BNIP2: variants seen among roughly 807,000 people sequenced by gnomAD.
BNIP2 encodes BCL2/adenovirus E1B 19 kDa protein-interacting protein 2.
In BNIP2, 36 loss-of-function variants were observed where a neutral mutation model predicts 43.4. The ratio of observed to expected loss-of-function variants is 0.83; its 90% CI spans 0.64 to 1.10. The LOEUF (loss-of-function observed/expected upper bound fraction) is 1.10, where lower values mean the gene tolerates loss of function less well. Ranked by LOEUF, BNIP2 falls within the 50% of genes least tolerant of loss-of-function variation. The probability of loss-of-function intolerance (pLI) is 0.00; values close to 1 mark genes in which losing one functional copy is unlikely to be tolerated. For synonymous variants in BNIP2, 146 were observed against 121.0 expected (o/e 1.21, Z -1.35); for missense variants, 417 against 374.1 (o/e 1.11, Z -0.95).
chr15:59,670,511 T>C lies in BNIP2; in HGVS notation c.707+672A>G, dbSNP rs138773181. ...ACTCAATGTAATGAAATAGGAAACA[T>C]ACTACATTCTCCATCCTTTGCCAAG... On this transcript the variant is annotated intron_variant, in intron 7 of 9. Coordinates refer to ENST00000607373, the MANE Select transcript of BNIP2 (RefSeq NM_004330.4). Among the ~76,000 whole-genome samples, 353 of 152,216 alleles carry C rather than the reference T, an allele frequency of 2.3e-3. 2 individuals carry two copies. Among genetic ancestry groups the C allele is most frequent in the African/African-American group, 8.0e-3 (334 of 41,530 alleles).
In BNIP2 at chr15:59,660,421, AAAGG is replaced by A. The variant is rs1186687367; in HGVS notation, c.*3644_*3647del. On this transcript the variant is annotated 3_prime_UTR_variant, in exon 10 of 10. Transcript: ENST00000607373. Reference sequence around the variant, plus strand: ...ACACTTCTCCACATATAACATGGAAAAAGGAAGGATGAACCTACCGTAACATCTC... The same window carrying A: ...ACACTTCTCCACATATAACATGGAAAAAGGATGAACCTACCGTAACATCTC... 1 of 152,242 alleles carries A rather than the reference AAAGG, an allele frequency of 6.6e-6. No individual in the cohort carries two copies. Among genetic ancestry groups the A allele is most frequent in the Non-Finnish European group, 1.5e-5 (1 of 68,044 alleles). The allele number at this position is 152,242 out of a possible 1,614,324, so 9.4% of individuals were successfully genotyped here.
intron 1 of BNIP2, chr15:59,688,414 C>T (rs754448434): frequency 2.2e-4 from 54 of 240,974 alleles, no homozygotes; most frequent in Non-Finnish European, 3.5e-4. Flanking sequence ...AAAAGCAACA[C>T]TAAAATGCAA....
chr15:59,669,205 GTTA>G, intron 8 of BNIP2, 68 bp downstream of exon 8: 3 of 1,155,244 alleles, frequency 2.6e-6, no homozygotes, highest in African/African-American at 1.6e-5. Flanking sequence ...AGTATGTATA[GTTA>G]TTATGTGTTA....
chr15:59,680,173 A>C (rs6151510), intron 3 of BNIP2, 68 bp downstream of exon 3: 652,591 of 1,107,586 alleles, frequency 0.59, 204,275 homozygotes, highest in Middle Eastern at 0.64. Flanking sequence ...TTTTTTGGAC[A>C]AAGAAACGTG....
In BNIP2 at chr15:59,661,555, T is replaced by C. The variant is rs1892275675; in HGVS notation, c.*2514A>G. The C allele has an allele frequency of 6.6e-6, 1 of 152,106 alleles. No homozygotes were observed. Among genetic ancestry groups the C allele is most frequent in the Non-Finnish European group, 1.5e-5 (1 of 68,028 alleles). 9.4% of individuals were successfully genotyped at this position (152,106 alleles called of 1,614,324 possible). On this transcript the variant is annotated 3_prime_UTR_variant, in exon 10 of 10. Transcript: ENST00000607373. Reference sequence around the variant, plus strand: ...TGAATAGAACGTCTTCCCTTGGTGCTTGCTTAGGAGTATGATCAAGCAGAA... The same window carrying C: ...TGAATAGAACGTCTTCCCTTGGTGCCTGCTTAGGAGTATGATCAAGCAGAA...
In BNIP2 at chr15:59,668,570, G is replaced by C. The variant is rs116351675; in HGVS notation, c.893+322C>G. On this transcript the variant is annotated intron_variant, in intron 9 of 9. Coordinates refer to ENST00000607373, the MANE Select transcript of BNIP2 (RefSeq NM_004330.4). ...CAAATTTGTTGAGCACTATGTTCAAGTTTGGAGAATGCTCTTTAGTACTGA... is the reference window on the plus strand; with the variant it reads ...CAAATTTGTTGAGCACTATGTTCAACTTTGGAGAATGCTCTTTAGTACTGA... 3.0e-3 allele frequency among the ~76,000 whole-genome samples: 454 copies of C among 152,330 alleles called. 2 individuals carry two copies. The highest frequency in any genetic ancestry group is 0.01 in the African/African-American group (430 of 41,576).
chr15:59,659,207 C>A lies in BNIP2; in HGVS notation c.*4862G>T, dbSNP rs1328110915. On this transcript the variant is annotated 3_prime_UTR_variant, in exon 10 of 10. Coordinates refer to ENST00000607373, the MANE Select transcript of BNIP2 (RefSeq NM_004330.4). ...GCAAAAAATATGATGTGCAACAAAT[C>A]AAGACACAAGTTATATTCCTAACAG... 1 of 152,132 alleles carries A rather than the reference C, an allele frequency of 6.6e-6. No homozygotes were observed. Among genetic ancestry groups the A allele is most frequent in the Non-Finnish European group, 1.5e-5 (1 of 68,030 alleles). 9.4% of individuals were successfully genotyped at this position (152,132 alleles called of 1,614,324 possible).
intron 3 of BNIP2, 126 bp from the exon 4 acceptor site, chr15:59,679,894 C>A (rs184072539): frequency 1.1e-6 from 1 of 873,888 alleles, no homozygotes. Flanking sequence ...AATTTCAAAG[C>A]ACCTATTCAC....
At chr15:59,688,726 G>A in intron 1 of BNIP2, 1 of 1,535,652 alleles carries the variant, frequency 6.5e-7, no homozygotes, top group Non-Finnish European at 8.7e-7. Flanking sequence ...CGGTTACGAG[G>A]CATACCAGAA....
intron 8 of BNIP2, 120 bp from the exon 9 acceptor site, chr15:59,669,110 GTC>G: frequency 9.0e-7 from 1 of 1,109,302 alleles, no homozygotes; most frequent in Non-Finnish European, 1.3e-6. Context: ...GATGATAAAT[GTC>G]TGAGGTGATG....
In BNIP2 at chr15:59,671,316, T is replaced by G. The variant is rs758939010; in HGVS notation, c.576-2A>C. The G allele has an allele frequency of 6.3e-7, 1 of 1,581,232 alleles. No homozygotes were observed. Among genetic ancestry groups the G allele is most frequent in the African/African-American group, 1.3e-5 (1 of 74,422 alleles). ...AGCTCCAAAGTGCCAATAACATATC[T>G]GTAAAAAACAAATTAAGTTTAAGCC... On this transcript the variant is annotated splice_acceptor_variant, in intron 6 of 9. Coordinates refer to ENST00000607373, the MANE Select transcript of BNIP2 (RefSeq NM_004330.4). LOFTEE classifies it high-confidence loss of function.
chr15:59,684,021 C>A (rs1456215728), intron 1 of BNIP2, among the ~76,000 whole-genome samples: 1 of 152,170 alleles, frequency 6.6e-6, no homozygotes, highest in Non-Finnish European at 1.5e-5. Context: ...GCTACGTCAA[C>A]ATTCAAAAGA....
chr15:59,667,465 T>C (rs887458559), intron 9 of BNIP2, among the ~76,000 whole-genome samples: 2 of 152,230 alleles, frequency 1.3e-5, no homozygotes, highest in Non-Finnish European at 2.9e-5. Flanking sequence ...ATCATCTATG[T>C]CAAGGTATCA....
At chr15:59,668,771 C>A (rs899953079) in intron 9 of BNIP2, 121 bp downstream of exon 9, 1 of 817,352 alleles carries the variant, frequency 1.2e-6, no homozygotes, top group Non-Finnish European at 1.8e-6. Flanking sequence ...CACACACACA[C>A]ACGCGCGCGC....
At chr15:59,678,146 C>A in intron 4 of BNIP2, 59 bp from the exon 5 acceptor site, 6 of 1,516,314 alleles carry the variant, frequency 4.0e-6, no homozygotes, top group Non-Finnish European at 5.3e-6. Context: ...TCAAATTATA[C>A]GTTAACCACT....
At chr15:59,683,439 T>C (rs1308545391) in intron 1 of BNIP2, among the ~76,000 whole-genome samples, 1 of 152,234 alleles carries the variant, frequency 6.6e-6, no homozygotes, top group Non-Finnish European at 1.5e-5. Context: ...CAGTAACATA[T>C]TTCTGTTCTT....
intron 1 of BNIP2, among the ~76,000 whole-genome samples, chr15:59,686,311 AG>A (rs1189463379): frequency 6.6e-6 from 1 of 152,182 alleles, no homozygotes; most frequent in Non-Finnish European, 1.5e-5. Context: ...ACACCTTTGG[AG>A]GACAAGGTGG....
Position 59,689,265 on chromosome 15 carries a change from C to CAATCCCCCGGCCG in BNIP2, c.-201_-189dup. 2 of 1,544,994 alleles carry CAATCCCCCGGCCG rather than the reference C, an allele frequency of 1.3e-6. No homozygotes were observed. The highest frequency in any genetic ancestry group is 1.4e-5 in the African/African-American group (1 of 73,052). On this transcript the variant is annotated 5_prime_UTR_variant, in exon 1 of 10. Transcript: ENST00000607373. ...TCGGTCGGCGGTGGAGACCCCGGCC[C>CAATCCCCCGGCCG]AATCCCCCGGCCGCAGCGGTACGGC...
Position 59,668,109 on chromosome 15 carries a change from T to C in BNIP2, c.893+783A>G, listed in dbSNP as rs1242091128. 1.4e-5 allele frequency: 18 copies of C among 1,297,920 alleles called. No homozygotes were observed. The African/African-American group carries it at 2.0e-4, about 14-fold the overall frequency. The allele number at this position is 1,297,920 out of a possible 1,614,324, so 80.4% of individuals were successfully genotyped here. On this transcript the variant is annotated intron_variant, in intron 9 of 9. Transcript: ENST00000607373. ...AGTCAAGGTGTGCATATACCTTTTT[T>C]GTTTCTTTTTAAACTTTTCTTCTTC...
Sources: allele counts gnomAD v4.1 joint callset (sites outside exome capture counted in the v4.1 genomes callset), GRCh38; gene constraint gnomAD v4.1.1; transcripts MANE v1.5; gene names NCBI Gene and HGNC (gene_info 2026-07-23, HGNC 2026-07-21).